Variants in RARB observed in about 807,000 individuals in gnomAD.
RARB encodes HBV-activated protein.
A neutral mutation model predicts 51.9 loss-of-function variants in RARB; 17 were observed. That is an observed-to-expected ratio of 0.33 (90% CI 0.22 to 0.49). The LOEUF (loss-of-function observed/expected upper bound fraction) is 0.49, where lower values mean the gene tolerates loss of function less well. Ranked by LOEUF, RARB falls within the 20% of genes least tolerant of loss-of-function variation. The pLI is 0.99. For missense variants in RARB, 369 were observed against 550.8 expected, an observed-to-expected ratio of 0.67 and a Z score of 3.30; for synonymous variants, 215 against 195.4, an observed-to-expected ratio of 1.10 and a Z score of -0.84.
At chr3:25,203,565 G>C (rs1387534246) in intron 5 of RARB, among the ~76,000 whole-genome samples, 2 of 152,192 alleles carry the variant, frequency 1.3e-5, no homozygotes, top group African/African-American at 4.8e-5. Context: ...TGCAGTGGCT[G>C]GTACTGGTTG....
At chr3:25,461,502 C>T (rs1047739036) in intron 2 of RARB, among the ~76,000 whole-genome samples, 161 bp downstream of exon 2, 1 of 152,190 alleles carries the variant, frequency 6.6e-6, no homozygotes. Flanking sequence ...CCTTATATAT[C>T]TTTGGTTTAA....
In RARB at chr3:24,893,655, G is replaced by A. The variant is rs373913379; in HGVS notation, c.-380+34903G>A. Among the ~76,000 whole-genome samples, 27 of 151,752 alleles carry A rather than the reference G, an allele frequency of 1.8e-4. No homozygotes were observed. In the East Asian group the frequency reaches 4.5e-3, roughly 25 times the overall value. ...GTCTCTACCTCCTGAGTAGCTAGAAGTACAGATGTGCAACAGCATGCCTCA... is the reference window on the plus strand; with the variant it reads ...GTCTCTACCTCCTGAGTAGCTAGAAATACAGATGTGCAACAGCATGCCTCA... On this transcript the variant is annotated intron_variant, in intron 2 of 11. Transcript: ENST00000383772.
intron 1 of RARB, among the ~76,000 whole-genome samples, chr3:25,448,861 A>C (rs1041519115): frequency 6.6e-6 from 1 of 152,084 alleles, no homozygotes; most frequent in African/African-American, 2.4e-5. Context: ...TTCAGTGTCT[A>C]CTTCAAGTTA....
At chr3:25,057,891 T>C (rs1443833010) in intron 2 of RARB, among the ~76,000 whole-genome samples, 1 of 152,154 alleles carries the variant, frequency 6.6e-6, no homozygotes, top group East Asian at 1.9e-4. Context: ...GAATTATTAC[T>C]TAAATAAAAA....
rs559604534 is a variant in RARB, at chr3:25,383,733, G to T, written c.179-77460G>T. 4.6e-5 allele frequency among the ~76,000 whole-genome samples: 7 copies of T among 152,104 alleles called. No homozygotes were observed. In the East Asian group the frequency reaches 1.4e-3, roughly 30 times the overall value. Reference sequence around the variant, plus strand: ...ATCTGAGGTCAGGAGTTCACGACCAGTCTGGCCAACATGGTGAAACCCCGT... The same window carrying T: ...ATCTGAGGTCAGGAGTTCACGACCATTCTGGCCAACATGGTGAAACCCCGT... On this transcript the variant is annotated intron_variant, in intron 5 of 11. Transcript: ENST00000383772.
intron 5 of RARB, among the ~76,000 whole-genome samples, chr3:25,587,814 C>A (rs747916181): frequency 2.6e-5 from 4 of 152,136 alleles, no homozygotes; most frequent in Non-Finnish European, 4.4e-5. Context: ...CAGGATCTGC[C>A]CACATGTTGC....
At chr3:25,287,734 T>C (rs577517203) in intron 5 of RARB, among the ~76,000 whole-genome samples, 10 of 152,216 alleles carry the variant, frequency 6.6e-5, no homozygotes, top group African/African-American at 9.6e-5. Flanking sequence ...TGATGTCTTA[T>C]GTATTGCATA....
At chr3:25,550,299 CTGTT>C (rs532600382) in intron 3 of RARB, among the ~76,000 whole-genome samples, 110 of 152,216 alleles carry the variant, frequency 7.2e-4, no homozygotes, top group African/African-American at 2.5e-3. Flanking sequence ...CTGCCTTAGT[CTGTT>C]TGGGCTGCTG....
intron 3 of RARB, among the ~76,000 whole-genome samples, chr3:25,560,163 C>G (rs1392821780): frequency 6.6e-6 from 1 of 152,158 alleles, no homozygotes; most frequent in East Asian, 1.9e-4. Flanking sequence ...TGTGGTGATT[C>G]TGAAGATCCT....
At chr3:24,983,242 G>T (rs1696715511) in intron 2 of RARB, among the ~76,000 whole-genome samples, 1 of 151,722 alleles carries the variant, frequency 6.6e-6, no homozygotes, top group African/African-American at 2.4e-5. Flanking sequence ...TTGTACCTGA[G>T]CACTTACATA....
intron 4 of RARB, among the ~76,000 whole-genome samples, chr3:25,170,013 GAAAAA>G (rs34538957): frequency 7.6e-6 from 1 of 131,576 alleles, no homozygotes; most frequent in East Asian, 2.2e-4. Flanking sequence ...AAAAAAGAAA[GAAAAA>G]AAAAAAGAAA....
chr3:25,383,966 A>G (rs1009593607), intron 5 of RARB, among the ~76,000 whole-genome samples: 1 of 152,170 alleles, frequency 6.6e-6, no homozygotes, highest in Non-Finnish European at 1.5e-5. Flanking sequence ...TTAAATTTGA[A>G]TAGCAACATG....
chr3:25,200,464 A>G (rs954229401), intron 5 of RARB, among the ~76,000 whole-genome samples: 2 of 152,044 alleles, frequency 1.3e-5, no homozygotes, highest in Non-Finnish European at 2.9e-5. Flanking sequence ...CCATTTGTCA[A>G]TTTTGGCTTT....
chr3:25,010,493 C>T (rs1191200011), intron 2 of RARB, among the ~76,000 whole-genome samples: 2 of 151,968 alleles, frequency 1.3e-5, no homozygotes, highest in East Asian at 1.9e-4. Context: ...ATATTTACAC[C>T]AGCTTAAATC....
At chr3:25,130,541 C>G (rs988295026) in intron 3 of RARB, among the ~76,000 whole-genome samples, 1 of 151,724 alleles carries the variant, frequency 6.6e-6, no homozygotes, top group Admixed American at 6.6e-5. Context: ...ACTCTCTTTC[C>G]TTCCTGGCGC....
chr3:25,469,865 A>G (rs2125566644), intron 2 of RARB, among the ~76,000 whole-genome samples: 1 of 152,328 alleles, frequency 6.6e-6, no homozygotes, highest in East Asian at 1.9e-4. Context: ...AAAGGATTTA[A>G]ATTCTGGCTT....
At chr3:25,505,246 T>C (rs1417317607) in intron 3 of RARB, among the ~76,000 whole-genome samples, 1 of 152,140 alleles carries the variant, frequency 6.6e-6, no homozygotes, top group East Asian at 1.9e-4. Flanking sequence ...TAAGGGGCAG[T>C]GCTGAGATTT....
chr3:24,956,528 C>A (rs1044018926), intron 2 of RARB, among the ~76,000 whole-genome samples: 5 of 152,128 alleles, frequency 3.3e-5, no homozygotes, highest in African/African-American at 1.2e-4. Flanking sequence ...GGCTCTGAAA[C>A]CAGGATCTGA....
At chr3:25,120,364 A>G (rs958383828) in intron 3 of RARB, among the ~76,000 whole-genome samples, 1 of 152,114 alleles carries the variant, frequency 6.6e-6, no homozygotes, top group Non-Finnish European at 1.5e-5. Context: ...AAGGGAAGGT[A>G]GGTAGAGTAA....
Sources: allele counts gnomAD v4.1 joint callset (sites outside exome capture counted in the v4.1 genomes callset), GRCh38; gene constraint gnomAD v4.1.1; transcripts MANE v1.5; gene names NCBI Gene and HGNC (gene_info 2026-07-23, HGNC 2026-07-21).